FHIT: variants seen among roughly 807,000 people sequenced by gnomAD.
FHIT encodes the protein fragile histidine triad diadenosine triphosphatase.
In FHIT, 19 loss-of-function variants were observed where a neutral mutation model predicts 17.9. The observed-to-expected ratio is 1.06, with a 90% confidence interval of 0.74 to 1.56. The LOEUF (loss-of-function observed/expected upper bound fraction) is 1.56, where lower values mean the gene tolerates loss of function less well. FHIT is among the 40% of genes most tolerant of loss of function. FHIT has a pLI of 0.00. For synonymous variants in FHIT, 81 were observed against 69.7 expected (o/e 1.16, Z -0.81); for missense variants, 248 against 189.2 (o/e 1.31, Z -1.82).
intron 4 of FHIT, among the ~76,000 whole-genome samples, chr3:60,555,966 C>T (rs757849931): frequency 6.6e-6 from 1 of 152,216 alleles, no homozygotes; most frequent in Non-Finnish European, 1.5e-5. Flanking sequence ...CCTGTGTGGT[C>T]ATGCTCATTT....
intron 4 of FHIT, among the ~76,000 whole-genome samples, chr3:60,570,171 G>A (rs553526044): frequency 6.6e-6 from 1 of 152,188 alleles, no homozygotes; most frequent in African/African-American, 2.4e-5. Flanking sequence ...TGCTGCACTG[G>A]AATCACTGTC....
chr3:61,210,214 C>T (rs1438767512), intron 1 of FHIT, among the ~76,000 whole-genome samples: 1 of 152,202 alleles, frequency 6.6e-6, no homozygotes, highest in African/African-American at 2.4e-5. Flanking sequence ...TAGAACGCCC[C>T]TAGTGCGGGG....
chr3:59,996,494 T>A (rs932888000), intron 7 of FHIT, among the ~76,000 whole-genome samples: 4 of 152,112 alleles, frequency 2.6e-5, no homozygotes, highest in Non-Finnish European at 5.9e-5. Context: ...TGTGTGTATG[T>A]GAATTTTTCC....
chr3:60,537,503 C>G (rs2036027302), intron 4 of FHIT: 2 of 972,540 alleles, frequency 2.1e-6, no homozygotes, highest in Non-Finnish European at 2.4e-6. Context: ...GAGAACTATT[C>G]TAGTAAAATC....
intron 5 of FHIT, among the ~76,000 whole-genome samples, chr3:60,253,852 A>T (rs1705848279): frequency 6.6e-6 from 1 of 152,208 alleles, no homozygotes; most frequent in Non-Finnish European, 1.5e-5. Flanking sequence ...AAATTTCTGA[A>T]TATTACCAAG....
At chr3:61,246,547 C>T (rs1208592559) in intron 1 of FHIT, among the ~76,000 whole-genome samples, 1 of 152,188 alleles carries the variant, frequency 6.6e-6, no homozygotes, top group Non-Finnish European at 1.5e-5. Flanking sequence ...TAACCGGACT[C>T]TGCATAGTAT....
At chr3:60,854,532 C>T (rs1246970137) in intron 3 of FHIT, among the ~76,000 whole-genome samples, 2 of 148,336 alleles carry the variant, frequency 1.3e-5, no homozygotes, top group African/African-American at 4.9e-5. Flanking sequence ...CTCATGGTGT[C>T]ATGAATGCCC....
At position 60,840,038 on chromosome 3, in the gene FHIT, G is replaced by A. The variant is rs191407349; in HGVS notation, c.-110-18027C>T. On this transcript the variant is annotated intron_variant, in intron 3 of 9. Transcript: ENST00000492590. ...CCGGTGGCGAGGGTCCTTCAGCTCC[G>A]TGAGGAGCTCTCTAGCACTCAGTCC... Among the ~76,000 whole-genome samples, 15 of 151,954 alleles carry A rather than the reference G, an allele frequency of 9.9e-5. 1 individual carries two copies. Among genetic ancestry groups the A allele is most frequent in the South Asian group, 2.1e-4 (1 of 4,776 alleles).
At chr3:60,017,296 T>A (rs1318672112) in intron 5 of FHIT, among the ~76,000 whole-genome samples, 1 of 152,202 alleles carries the variant, frequency 6.6e-6, no homozygotes, top group Non-Finnish European at 1.5e-5. Flanking sequence ...AAAGGAGGCC[T>A]CAGCACTGGG....
At chr3:59,868,982 G>C (rs959981622) in intron 8 of FHIT, among the ~76,000 whole-genome samples, 8 of 152,122 alleles carry the variant, frequency 5.3e-5, no homozygotes, top group African/African-American at 9.7e-5. Flanking sequence ...AGGCAAGCCT[G>C]GTTACATTCC....
At chr3:60,710,095 ACT>A (rs1293456413) in intron 4 of FHIT, among the ~76,000 whole-genome samples, 1 of 150,668 alleles carries the variant, frequency 6.6e-6, no homozygotes, top group Non-Finnish European at 1.5e-5. Context: ...AAAAAAAAAA[ACT>A]CAACAATCAA....
At chr3:60,148,636 C>T (rs1055513773) in intron 5 of FHIT, among the ~76,000 whole-genome samples, 2 of 152,126 alleles carry the variant, frequency 1.3e-5, no homozygotes, top group African/African-American at 2.4e-5. Context: ...ATATAGGTTA[C>T]ACCACACCGT....
chr3:60,617,633 T>A (rs2038991563), intron 4 of FHIT: 1 of 153,142 alleles, frequency 6.5e-6, no homozygotes, highest in East Asian at 1.9e-4. Flanking sequence ...ATCCTAGACC[T>A]TTCCAATGAC....
intron 5 of FHIT, among the ~76,000 whole-genome samples, chr3:60,287,676 C>G (rs1046721809): frequency 2.0e-5 from 3 of 151,990 alleles, no homozygotes; most frequent in Non-Finnish European, 4.4e-5. Context: ...ATCTCATCAT[C>G]AAGTATTATG....
At chr3:60,992,038 T>C (rs1315064236) in intron 3 of FHIT, among the ~76,000 whole-genome samples, 1 of 152,118 alleles carries the variant, frequency 6.6e-6, no homozygotes, top group Non-Finnish European at 1.5e-5. Flanking sequence ...CTGGAAATAA[T>C]TCAGATGCTC....
At chr3:61,100,023 G>A (rs1407176197) in intron 2 of FHIT, among the ~76,000 whole-genome samples, 1 of 151,864 alleles carries the variant, frequency 6.6e-6, no homozygotes, top group Non-Finnish European at 1.5e-5. Context: ...TTGTGGTTTT[G>A]ATTTCTATTT....
rs953644548 is a variant in FHIT, at chr3:60,443,139, G to A, written c.103+93721C>T. ...CATTGATTTTGTATCCTGAGACTTT[G>A]CTGAAGTTGCCTATCAGCTTAAGGA... On this transcript the variant is annotated intron_variant, in intron 5 of 9. Coordinates refer to ENST00000492590, the MANE Select transcript of FHIT (RefSeq NM_002012.4). Among the ~76,000 whole-genome samples the A allele has an allele frequency of 5.4e-3, 817 of 152,266 alleles. 9 individuals are homozygous for A. The highest frequency in any genetic ancestry group is 0.019 in the African/African-American group (786 of 41,540).
At chr3:60,514,133 T>A (rs974674565) in intron 5 of FHIT, among the ~76,000 whole-genome samples, 1 of 152,238 alleles carries the variant, frequency 6.6e-6, no homozygotes, top group African/African-American at 2.4e-5. Flanking sequence ...AATCCATTTG[T>A]GTGACCTGAT....
At chr3:60,565,162 T>C (rs770591711) in intron 4 of FHIT, among the ~76,000 whole-genome samples, 2 of 152,198 alleles carry the variant, frequency 1.3e-5, no homozygotes, top group African/African-American at 2.4e-5. Context: ...AATAATGATA[T>C]TGCATACTTA....
Sources: allele counts gnomAD v4.1 joint callset (sites outside exome capture counted in the v4.1 genomes callset), GRCh38; gene constraint gnomAD v4.1.1; transcripts MANE v1.5; gene names NCBI Gene and HGNC (gene_info 2026-07-23, HGNC 2026-07-21).